The following PLCZ1 variants were observed in gnomAD, a reference collection of about 807,000 sequenced individuals.
PLCZ1 encodes 1-phosphatidylinositol 4,5-bisphosphate phosphodiesterase zeta-1.
Under a neutral mutation model 76.8 loss-of-function variants are expected in PLCZ1, and 64 were observed. The ratio of observed to expected loss-of-function variants is 0.83; its 90% CI spans 0.68 to 1.03. The LOEUF is 1.03. Among genes scored for constraint, PLCZ1 ranks in the 50% least tolerant of loss-of-function variants. The pLI, the probability that PLCZ1 is intolerant of heterozygous loss-of-function variation, is 0.00. For synonymous variants in PLCZ1, 248 were observed against 230.8 expected (o/e 1.07, Z -0.68); for missense variants, 751 against 713.7 (o/e 1.05, Z -0.60).
intron 6 of PLCZ1, among the ~76,000 whole-genome samples, chr12:18,707,998 C>T (rs769357766): frequency 2.0e-4 from 30 of 152,252 alleles, no homozygotes; most frequent in Non-Finnish European, 3.8e-4. Context: ...CACAGTTACC[C>T]TTTTTAAAAT....
At chr12:18,724,059 G>A (rs1265800944) in intron 3 of PLCZ1, among the ~76,000 whole-genome samples, 2 of 152,068 alleles carry the variant, frequency 1.3e-5, no homozygotes, top group Admixed American at 6.6e-5. Context: ...GAGTGGATTC[G>A]AAAGGTCATA....
At chr12:18,727,277 G>T (rs937003584) in intron 3 of PLCZ1, among the ~76,000 whole-genome samples, 1 of 152,130 alleles carries the variant, frequency 6.6e-6, no homozygotes, top group African/African-American at 2.4e-5. Flanking sequence ...GAGCCCAGGA[G>T]TCCAGGGCTA....
intron 12 of PLCZ1, among the ~76,000 whole-genome samples, chr12:18,690,472 A>T (rs1257190473): frequency 6.6e-6 from 1 of 151,974 alleles, no homozygotes; most frequent in Non-Finnish European, 1.5e-5. Flanking sequence ...TAATCTGCCC[A>T]CCTCAGCCTC....
the PLCZ1 span, among the ~76,000 whole-genome samples, chr12:18,650,331 C>CTCTCTATA: frequency 3.3e-5 from 3 of 91,974 alleles, no homozygotes; most frequent in Admixed American, 1.2e-4. Context: ...CTCTCTCTCT[C>CTCTCTATA]TATATATATA....
chr12:18,661,637 T>C, the PLCZ1 span, among the ~76,000 whole-genome samples: 4 of 151,892 alleles, frequency 2.6e-5, no homozygotes, highest in African/African-American at 9.7e-5. Context: ...TATTAAAAAG[T>C]CAAAAAATAA....
At chr12:18,724,064 G>T (rs960910705) in intron 3 of PLCZ1, among the ~76,000 whole-genome samples, 1 of 152,198 alleles carries the variant, frequency 6.6e-6, no homozygotes, top group South Asian at 2.1e-4. Flanking sequence ...GATTCGAAAG[G>T]TCATATTTGA....
the PLCZ1 span, among the ~76,000 whole-genome samples, chr12:18,655,407 T>C: frequency 6.6e-6 from 1 of 152,156 alleles, no homozygotes; most frequent in Non-Finnish European, 1.5e-5. Flanking sequence ...CTGCTATAAA[T>C]GAATAAATAA....
At chr12:18,645,866 C>T in the PLCZ1 span, among the ~76,000 whole-genome samples, 2 of 152,090 alleles carry the variant, frequency 1.3e-5, no homozygotes, top group African/African-American at 4.8e-5. Flanking sequence ...AGTCCTTAGC[C>T]AGACTTCCCC....
the PLCZ1 span, among the ~76,000 whole-genome samples, chr12:18,650,559 G>A: frequency 3.6e-4 from 54 of 149,156 alleles, no homozygotes; most frequent in Middle Eastern, 3.4e-3. Context: ...ACACATGAAA[G>A]TCTATACATT....
At chr12:18,725,950 C>T (rs1958727410) in intron 3 of PLCZ1, among the ~76,000 whole-genome samples, 1 of 152,050 alleles carries the variant, frequency 6.6e-6, no homozygotes, top group African/African-American at 2.4e-5. Context: ...ACTTTCTTCT[C>T]TTACAGGCCT....
chr12:18,693,669 A>C, intron 12 of PLCZ1: 2 of 1,566,876 alleles, frequency 1.3e-6, no homozygotes, highest in Non-Finnish European at 8.8e-7. Context: ...TATGACTCCA[A>C]TTCTGGTGGT....
At position 18,694,935 on chromosome 12, in the gene PLCZ1, C is replaced by T; in HGVS notation, c.1436G>A (p.Gly479Asp). 5 of 1,601,276 alleles carry T rather than the reference C, an allele frequency of 3.1e-6. No individual in the cohort carries two copies. Among genetic ancestry groups the T allele is most frequent in the Non-Finnish European group, 4.3e-6 (5 of 1,169,926 alleles). ...CCTTATTGTAAGTGTAATTGGCATA[C>T]CCTCTTTTATGTTACTTGGGTTAAA... ...SYFNPSNIKEGMPITLTIRLI... is the reference protein window; with the variant it reads ...SYFNPSNIKEDMPITLTIRLI... The change falls in exon 12 of 15, where the codon GGT becomes GAT. Residue 479 changes from glycine (G) to aspartate (D), a missense_variant. Physicochemically the swap from Gly to Asp is moderately conservative, Grantham distance 94. Transcript: ENST00000266505.
At chr12:18,682,796 A>G (rs1229411208), downstream of PLCZ1, among the ~76,000 whole-genome samples, 1 of 152,012 alleles carries the variant, frequency 6.6e-6, no homozygotes, top group Non-Finnish European at 1.5e-5. Context: ...AGGATATGAA[A>G]AGGCTCAGAG....
At chr12:18,708,822 T>G (rs906518801) in intron 6 of PLCZ1, among the ~76,000 whole-genome samples, 2 of 152,156 alleles carry the variant, frequency 1.3e-5, no homozygotes, top group African/African-American at 2.4e-5. Context: ...TTTGGAGAAA[T>G]GCCTATTCAG....
chr12:18,699,976 C>A, intron 9 of PLCZ1, 26 bp from the exon 10 acceptor site: 2 of 1,592,826 alleles, frequency 1.3e-6, no homozygotes, highest in Non-Finnish European at 1.7e-6. Context: ...AGTAATTTTA[C>A]ATTTTTATGC....
intron 6 of PLCZ1, among the ~76,000 whole-genome samples, chr12:18,710,637 T>G (rs1415811494): frequency 6.6e-6 from 1 of 152,046 alleles, no homozygotes; most frequent in East Asian, 1.9e-4. Flanking sequence ...AAGAGGGCAG[T>G]GGGATCATTT....
intron 4 of PLCZ1, among the ~76,000 whole-genome samples, chr12:18,721,913 T>A (rs552756208): frequency 1.3e-5 from 2 of 152,054 alleles, no homozygotes; most frequent in South Asian, 2.1e-4. Context: ...TGGCACTGAG[T>A]CATGAAGCCA....
the PLCZ1 span, among the ~76,000 whole-genome samples, chr12:18,668,059 T>A: frequency 6.6e-6 from 1 of 152,224 alleles, no homozygotes; most frequent in Admixed American, 6.5e-5. Context: ...ACAGTCAAAG[T>A]TCGTCTCCAC....
chr12:18,697,091 T>G (rs1318443072), intron 10 of PLCZ1, among the ~76,000 whole-genome samples: 1 of 152,146 alleles, frequency 6.6e-6, no homozygotes, highest in Non-Finnish European at 1.5e-5. Flanking sequence ...ACAAATTTCA[T>G]GCTTCTCCAA....
Sources: gnomAD v4.1 joint callset for allele counts (sites outside exome capture counted in the v4.1 genomes callset) on GRCh38, gnomAD v4.1.1 for gene constraint, MANE v1.5 for transcripts, NCBI Gene and HGNC (gene_info 2026-07-23, HGNC 2026-07-21) for gene names.